IKBKB-DT: variants seen among roughly 807,000 people sequenced by gnomAD.
The protein encoded by IKBKB-DT is IKBKB antisense RNA.
At chr8:42,233,848 C>T (rs2129895047) in exon 4 of IKBKB-DT, 1 of 151,948 alleles carries the variant, frequency 6.6e-6, no homozygotes, top group Non-Finnish European at 1.5e-5. Flanking sequence ...TGAGTCAGTT[C>T]CTAGGTGGGG....
rs554206078 is a variant in IKBKB-DT at position 42,242,207 on chromosome 8, T to G, written n.1530-8348A>C. On this transcript the variant is annotated intron_variant and non_coding_transcript_variant, in intron 3 of 3. Transcript: ENST00000518213. ...TCCAGCCTGGGTGACAAAGCAAGACTCCATCTCAAAAATAAATAAATAAAT... is the reference window on the plus strand; with the variant it reads ...TCCAGCCTGGGTGACAAAGCAAGACGCCATCTCAAAAATAAATAAATAAAT... 2.0e-3 allele frequency among the ~76,000 whole-genome samples: 301 copies of G among 151,956 alleles called. 3 individuals carry two copies. Among genetic ancestry groups the G allele is most frequent in the African/African-American group, 6.7e-3 (278 of 41,442 alleles).
intron 3 of IKBKB-DT, among the ~76,000 whole-genome samples, chr8:42,240,957 A>C (rs549140436): frequency 1.3e-5 from 2 of 152,272 alleles, no homozygotes; most frequent in South Asian, 4.1e-4. Context: ...CCTGGGCAAC[A>C]TAGCAAGACT....
At chr8:42,243,871 T>C (rs1297805630) in intron 3 of IKBKB-DT, among the ~76,000 whole-genome samples, 1 of 152,218 alleles carries the variant, frequency 6.6e-6, no homozygotes, top group Non-Finnish European at 1.5e-5. Flanking sequence ...TTGCACATGG[T>C]CTAGAATTTT....
At chr8:42,252,222 GGCAC>G (rs1807138860) in intron 3 of IKBKB-DT, among the ~76,000 whole-genome samples, 1 of 152,120 alleles carries the variant, frequency 6.6e-6, no homozygotes, top group South Asian at 2.1e-4. Flanking sequence ...CTATGCAAAC[GGCAC>G]ACCTGGTCCA....
At chr8:42,252,288 T>C (rs905001332) in intron 3 of IKBKB-DT, among the ~76,000 whole-genome samples, 2 of 152,180 alleles carry the variant, frequency 1.3e-5, no homozygotes, top group African/African-American at 2.4e-5. Flanking sequence ...CAAGCTCCTC[T>C]ATAAACCCCA....
exon 3 of IKBKB-DT, chr8:42,263,399 T>C (rs1768944869): frequency 6.6e-6 from 1 of 152,210 alleles, no homozygotes; most frequent in Non-Finnish European, 1.5e-5. Flanking sequence ...AGAGATCCCA[T>C]CTGGGTCACC....
chr8:42,238,760 C>T (rs1321770387), intron 3 of IKBKB-DT, among the ~76,000 whole-genome samples: 1 of 152,162 alleles, frequency 6.6e-6, no homozygotes, highest in East Asian at 1.9e-4. Flanking sequence ...CTCACCCAGT[C>T]CTGTGGCCAC....
chr8:42,243,419 A>T (rs1285451938), intron 3 of IKBKB-DT, among the ~76,000 whole-genome samples: 1 of 152,230 alleles, frequency 6.6e-6, no homozygotes, highest in Non-Finnish European at 1.5e-5. Context: ...AAGAGAAAAA[A>T]ATAATTAAAC....
chr8:42,248,172 G>A (rs1423815650), intron 3 of IKBKB-DT, among the ~76,000 whole-genome samples: 1 of 151,818 alleles, frequency 6.6e-6, no homozygotes, highest in Admixed American at 6.6e-5. Flanking sequence ...ATGTGGAACT[G>A]TGAATCAATT....
chr8:42,271,094 C>T, exon 1 of IKBKB-DT: 1 of 418,630 alleles, frequency 2.4e-6, no homozygotes, highest in Non-Finnish European at 4.4e-6. Context: ...CAGGGTGTAA[C>T]GGGGGTCATT....
At chr8:42,247,725 G>C (rs1430003400) in intron 3 of IKBKB-DT, among the ~76,000 whole-genome samples, 1 of 152,140 alleles carries the variant, frequency 6.6e-6, no homozygotes, top group Non-Finnish European at 1.5e-5. Flanking sequence ...TAGTGAGGGA[G>C]TTCTCGTGAG....
At chr8:42,269,268 C>T (rs1199293215) in intron 1 of IKBKB-DT, among the ~76,000 whole-genome samples, 2 of 148,734 alleles carry the variant, frequency 1.3e-5, no homozygotes, top group African/African-American at 5.0e-5. Context: ...TGCAGTGAGC[C>T]GTGATCCTGC....
chr8:42,258,720 G>A (rs943762523), intron 3 of IKBKB-DT, among the ~76,000 whole-genome samples: 9 of 151,908 alleles, frequency 5.9e-5, no homozygotes, highest in Non-Finnish European at 1.2e-4. Context: ...CGCCCGCCTC[G>A]GCCTCCCAAA....
At chr8:42,241,047 T>G (rs1371630732) in intron 3 of IKBKB-DT, among the ~76,000 whole-genome samples, 1 of 152,298 alleles carries the variant, frequency 6.6e-6, no homozygotes. Context: ...CCTTCTTTTC[T>G]GTCTGGCTGT....
exon 1 of IKBKB-DT, chr8:42,270,855 G>C (rs1383698188): frequency 6.4e-6 from 1 of 155,684 alleles, no homozygotes; most frequent in Non-Finnish European, 1.4e-5. Flanking sequence ...TCACCTCTGA[G>C]GAGTCAGCTG....
chr8:42,244,426 C>T (rs16891147), intron 3 of IKBKB-DT, among the ~76,000 whole-genome samples: 2,322 of 152,224 alleles, frequency 0.015, 91 homozygotes, highest in South Asian at 0.15. Context: ...CAGACACATA[C>T]GGAGCTATTG....
chr8:42,241,041 C>G (rs185320487), intron 3 of IKBKB-DT, among the ~76,000 whole-genome samples: 200 of 152,178 alleles, frequency 1.3e-3, no homozygotes, highest in Middle Eastern at 6.8e-3. Flanking sequence ...ATTCAACCTT[C>G]TTTTCTGTCT....
intron 3 of IKBKB-DT, among the ~76,000 whole-genome samples, chr8:42,238,024 CAAAAAAAAAAAAAAAAA>C: frequency 2.8e-5 from 1 of 35,254 alleles, no homozygotes; most frequent in African/African-American, 5.4e-5. Flanking sequence ...GGCCCTCTCT[CAAAAAAAAAAAAAAAAA>C]AAAAAAAAAA....
chr8:42,250,114 C>G (rs1807113595), intron 3 of IKBKB-DT, among the ~76,000 whole-genome samples: 1 of 152,000 alleles, frequency 6.6e-6, no homozygotes, highest in Non-Finnish European at 1.5e-5. Context: ...AAATAAGTCT[C>G]CTAGGGCATT....
Sources: gnomAD v4.1 joint callset for allele counts (sites outside exome capture counted in the v4.1 genomes callset) on GRCh38, gnomAD v4.1.1 for gene constraint, MANE v1.5 for transcripts, NCBI Gene and HGNC (gene_info 2026-07-23, HGNC 2026-07-21) for gene names.